MYLK: variants seen among roughly 807,000 people sequenced by gnomAD.
MYLK encodes myosin light chain kinase, smooth muscle.
Under a neutral mutation model 203.4 loss-of-function variants are expected in MYLK, and 106 were observed. The ratio of observed to expected loss-of-function variants is 0.52; its 90% confidence interval spans 0.45 to 0.61. The LOEUF is 0.61. MYLK is among the 20% of genes least tolerant of loss of function. MYLK has a pLI of 0.00. For synonymous variants in MYLK, 867 were observed against 959.5 expected (o/e 0.90, Z 1.78); for missense variants, 2,072 against 2,442.3 (o/e 0.85, Z 3.20).
intron 2 of MYLK, 89 bp from the exon 3 acceptor site, chr3:123,831,759 C>G (rs1178125639): frequency 5.0e-6 from 1 of 198,626 alleles, no homozygotes; most frequent in Non-Finnish European, 1.1e-5. Context: ...GTACATCACT[C>G]TGGGACAGGC....
At chr3:123,777,212 G>A (rs1247741226) in intron 4 of MYLK, among the ~76,000 whole-genome samples, 2 of 152,248 alleles carry the variant, frequency 1.3e-5, no homozygotes, top group Non-Finnish European at 2.9e-5. Flanking sequence ...GCGCACATCT[G>A]CCATTGCATC....
intron 23 of MYLK, chr3:123,659,599 T>G: frequency 2.1e-6 from 1 of 474,706 alleles, no homozygotes; most frequent in Non-Finnish European, 4.2e-6. Context: ...CCACCTGCCT[T>G]TAGAGCTGTG....
In MYLK at chr3:123,638,093, T is replaced by A; in HGVS notation, c.4939A>T (p.Ile1647Phe). 6.2e-7 allele frequency: 1 copy of A among 1,614,114 alleles called. No homozygotes were observed. Among genetic ancestry groups the A allele is most frequent in the Non-Finnish European group, 8.5e-7 (1 of 1,180,028 alleles). Residue 1647 changes from isoleucine to phenylalanine, a missense_variant, in exon 29 of 34, where the codon ATC becomes TTC. Physicochemically the swap from Ile to Phe is conservative, Grantham distance 21. Coordinates refer to ENST00000360304, the MANE Select transcript of MYLK (RefSeq NM_053025.4). ...PIGYATDMWS[I>F]GVICYILVSG... ...CACAGGATGTAGCAGATGACCCCGA[T>A]GCTCCACATGTCTGTGGCGTAGCCG...
At chr3:123,798,708 A>T (rs1351213183) in intron 3 of MYLK, among the ~76,000 whole-genome samples, 5 of 152,124 alleles carry the variant, frequency 3.3e-5, no homozygotes. Context: ...AGTCCCTTGC[A>T]AAGTGCTTTT....
At chr3:123,704,225 C>T (rs1328783778) in intron 16 of MYLK, among the ~76,000 whole-genome samples, 1 of 152,248 alleles carries the variant, frequency 6.6e-6, no homozygotes, top group East Asian at 1.9e-4. Context: ...ACTATTCCTA[C>T]AGCCATACCC....
intron 2 of MYLK, among the ~76,000 whole-genome samples, chr3:123,867,600 T>A (rs879275382): frequency 1.3e-5 from 2 of 152,030 alleles, no homozygotes; most frequent in Non-Finnish European, 2.9e-5. Context: ...TGGCAGCCAC[T>A]AGAAGCCAGA....
chr3:123,866,948 C>T (rs1426218599), intron 2 of MYLK, among the ~76,000 whole-genome samples: 1 of 152,086 alleles, frequency 6.6e-6, no homozygotes, highest in Admixed American at 6.6e-5. Context: ...TGCCCAGTCC[C>T]GTTATTTCTA....
At chr3:123,879,534 A>G (rs2033382764) in intron 1 of MYLK, among the ~76,000 whole-genome samples, 1 of 151,562 alleles carries the variant, frequency 6.6e-6, no homozygotes, top group Non-Finnish European at 1.5e-5. Flanking sequence ...AAACTTGGAA[A>G]TTGCATGTTG....
Position 123,722,239 on chromosome 3 carries a change from C to T in MYLK, c.1693G>A (p.Val565Met), listed in dbSNP as rs370052625. ...GCATCCTGGATGTGGAGCTCAGCCA[C>T]GCCGGCCTCGCAGGTGGAGCGAGCG... ...QYARSTCEAG[V>M]AELHIQDALP... Residue 565 changes from valine to methionine, a missense_variant, in exon 13 of 34, where the codon GTG (valine) becomes ATG (methionine). By Grantham distance (21) the Val-to-Met change is conservative. Coordinates refer to ENST00000360304, the MANE Select transcript of MYLK (RefSeq NM_053025.4). 7.5e-5 allele frequency: 118 copies of T among 1,565,586 alleles called. No homozygotes were observed. The highest frequency in any genetic ancestry group is 4.0e-4 in the East Asian group (17 of 42,076).
At chr3:123,663,437 G>T (rs1223358394) in intron 23 of MYLK, among the ~76,000 whole-genome samples, 2 of 152,138 alleles carry the variant, frequency 1.3e-5, no homozygotes, top group Non-Finnish European at 2.9e-5. Flanking sequence ...AGGGTGCTGG[G>T]GGGTGAAGAA....
chr3:123,618,349 T>A, intron 33 of MYLK: 1 of 411,678 alleles, frequency 2.4e-6, no homozygotes, highest in East Asian at 5.4e-5. Context: ...CAAAGCCAGG[T>A]AAGTCCATGC....
At chr3:123,660,788 A>G (rs536202443) in intron 23 of MYLK, among the ~76,000 whole-genome samples, 1 of 152,354 alleles carries the variant, frequency 6.6e-6, no homozygotes, top group East Asian at 1.9e-4. Context: ...GGAGCAGACC[A>G]AGTGATTCCT....
Position 123,840,428 on chromosome 3 carries a change from T to C in MYLK, c.-126-8758A>G, listed in dbSNP as rs1322894899. ...TATATAGAACAAGTCTCTCTCTCTA[T>C]ATATATATAAACAAATCTATGTCAT... On this transcript the variant is annotated intron_variant, in intron 2 of 33. Transcript: ENST00000360304. Among the ~76,000 whole-genome samples the C allele has an allele frequency of 3.4e-4, 51 of 150,238 alleles. 2 individuals are homozygous for C. Among genetic ancestry groups the C allele is most frequent in the Admixed American group, 3.4e-3 (51 of 15,144 alleles).
intron 5 of MYLK, among the ~76,000 whole-genome samples, chr3:123,743,306 T>C (rs2062914985): frequency 6.6e-6 from 1 of 152,268 alleles, no homozygotes; most frequent in South Asian, 2.1e-4. Flanking sequence ...TACTTCTATG[T>C]CAGGGTAAGA....
At chr3:123,645,179 G>A (rs1312666792) in intron 27 of MYLK, among the ~76,000 whole-genome samples, 2 of 152,288 alleles carry the variant, frequency 1.3e-5, no homozygotes, top group African/African-American at 2.4e-5. Context: ...ATCCCACAGC[G>A]TTCATGAGGT....
At chr3:123,863,368 C>CAAAAAAAAAAAAAAAAAAAAGAAAAAAA (rs35039876) in intron 2 of MYLK, among the ~76,000 whole-genome samples, 1 of 29,894 alleles carries the variant, frequency 3.3e-5, no homozygotes, top group African/African-American at 1.1e-4. Flanking sequence ...ATAGCCTTGC[C>CAAAAAAAAAAAAAAAAAAAAGAAAAAAA]AAAAAAAAAA....
At chr3:123,639,572 C>G (rs1205000517) in intron 28 of MYLK, among the ~76,000 whole-genome samples, 1 of 152,170 alleles carries the variant, frequency 6.6e-6, no homozygotes, top group Non-Finnish European at 1.5e-5. Flanking sequence ...TGGATGCAGG[C>G]AGAATGTGAG....
chr3:123,735,698 C>G (rs896568050), intron 8 of MYLK: 11 of 427,232 alleles, frequency 2.6e-5, no homozygotes, highest in Non-Finnish European at 1.7e-5. Context: ...AAAAACCAAT[C>G]CAGGGACAAA....
intron 27 of MYLK, chr3:123,646,968 G>T (rs1445248004): frequency 7.2e-6 from 4 of 558,860 alleles, no homozygotes; most frequent in Non-Finnish European, 1.3e-5. Flanking sequence ...GGTCCTCAAA[G>T]ATCTACTGGT....
Sources: allele counts gnomAD v4.1 joint callset (sites outside exome capture counted in the v4.1 genomes callset), GRCh38; gene constraint gnomAD v4.1.1; transcripts MANE v1.5; gene names NCBI Gene and HGNC (gene_info 2026-07-23, HGNC 2026-07-21).